The following GLRX5 variants were observed in gnomAD, a reference collection of about 807,000 sequenced individuals.
GLRX5 encodes the protein glutaredoxin 5, also known as glutaredoxin-related protein 5, mitochondrial.
A neutral mutation model predicts 13.8 loss-of-function variants in GLRX5; 10 were observed. The ratio of observed to expected loss-of-function variants is 0.72; its 90% CI spans 0.45 to 1.23. The LOEUF is 1.23. Ranked by LOEUF, GLRX5 falls within the 50% of genes most tolerant of loss-of-function variation. GLRX5 has a pLI of 0.00. For synonymous variants in GLRX5, 98 were observed against 101.1 expected (o/e 0.97, Z 0.18); for missense variants, 233 against 215.2 (o/e 1.08, Z -0.52).
In GLRX5 at chr14:95,544,118, C is replaced by G; in HGVS notation, c.467C>G (p.Ser156Cys). ...TTAGATGAAAAGAAAGACCAAGACT[C>G]CAAGTGAGGGCGGCCAAGTCCTCGC... is the stretch of plus-strand genomic sequence containing the variant. ...ALLDEKKDQD[S>C]K Residue 156 changes from serine to cysteine, a missense_variant, in exon 2 of 2, where the codon TCC (serine) becomes TGC (cysteine). By Grantham distance (112) the Ser-to-Cys change is moderately radical (BLOSUM62 -1). Transcript: ENST00000331334. The G allele has an allele frequency of 1.9e-6, 3 of 1,613,852 alleles. No homozygotes were observed. The highest frequency in any genetic ancestry group is 2.5e-6 in the Non-Finnish European group (3 of 1,179,836).
intron 1 of GLRX5, among the ~76,000 whole-genome samples, chr14:95,541,310 T>C (rs1441364623): frequency 1.3e-5 from 2 of 152,142 alleles, no homozygotes; most frequent in African/African-American, 2.4e-5. Context: ...TTATGAAGAG[T>C]AGTCTTTTAT....
At chr14:95,538,699 A>T (rs1480891091) in intron 1 of GLRX5, among the ~76,000 whole-genome samples, 1 of 152,210 alleles carries the variant, frequency 6.6e-6, no homozygotes, top group African/African-American at 2.4e-5. Context: ...AACTTACCCT[A>T]GTAAAGGGCC....
At chr14:95,542,921 C>A in intron 1 of GLRX5, 3 of 410,736 alleles carry the variant, frequency 7.3e-6, no homozygotes, top group South Asian at 5.2e-5. Flanking sequence ...TAAGAGTAAT[C>A]TTTTATGTCT....
At chr14:95,540,275 G>A (rs1891452332) in intron 1 of GLRX5, among the ~76,000 whole-genome samples, 1 of 152,126 alleles carries the variant, frequency 6.6e-6, no homozygotes, top group African/African-American at 2.4e-5. Context: ...GCCTTTCTCA[G>A]AAAAGCATTA....
chr14:95,535,187 G>A lies in GLRX5; in HGVS notation c.98G>A (p.Gly33Asp), dbSNP rs1194181940. ...GLWGPGVRAA[G>D]SGAGGGGSAE... ...TGGGGTCCGGGCGTGCGGGCGGCGG[G>A]CTCGGGCGCGGGCGGCGGCGGCTCG... The change falls in exon 1 of 2, where the codon GGC becomes GAC. Residue 33 changes from glycine (G) to aspartate (D), a missense_variant. Gly to Asp is a moderately conservative substitution (Grantham distance 94). Coordinates refer to ENST00000331334, the MANE Select transcript of GLRX5 (RefSeq NM_016417.3). 4.0e-6 allele frequency: 6 copies of A among 1,493,582 alleles called. No homozygotes were observed. In the South Asian group the frequency reaches 6.4e-5, roughly 16 times the overall value. 92.5% of individuals were successfully genotyped at this position (1,493,582 alleles called of 1,614,324 possible).
chr14:95,538,717 A>G (rs1891423109), intron 1 of GLRX5, among the ~76,000 whole-genome samples: 1 of 152,244 alleles, frequency 6.6e-6, no homozygotes, highest in Admixed American at 6.5e-5. Flanking sequence ...GCCAGAGACT[A>G]AGTACGTCAG....
Position 95,535,273 on chromosome 14 carries a change from C to T in GLRX5, c.184C>T (p.Pro62Ser), listed in dbSNP as rs1891343689. The T allele has an allele frequency of 6.4e-7, 1 of 1,570,312 alleles. No individual in the cohort carries two copies. Among genetic ancestry groups the T allele is most frequent in the Admixed American group, 1.9e-5 (1 of 52,142 alleles). The part of the protein sequence containing the change: ...DKVVVFLKGT[P>S]EQPQCGFSNA... ...GGTGGTGGTCTTCCTCAAGGGGACG[C>T]CGGAGCAGCCCCAGTGCGGCTTCAG... Residue 62 changes from proline (P) to serine (S), a missense_variant, in exon 1 of 2, where the codon CCG becomes TCG. Coordinates refer to ENST00000331334, the MANE Select transcript of GLRX5 (RefSeq NM_016417.3).
In GLRX5 at chr14:95,535,056, C is replaced by A. The variant is rs990819733; in HGVS notation, c.-34C>A. On this transcript the variant is annotated 5_prime_UTR_variant, in exon 1 of 2. Coordinates refer to ENST00000331334, the MANE Select transcript of GLRX5 (RefSeq NM_016417.3). ...GCGCTCTGGGTGGCCAGCTGTGGGC[C>A]CGGGCCGTCGTGGGCTCCGGCTTGC... 7.6e-7 allele frequency: 1 copy of A among 1,324,328 alleles called. No individual in the cohort carries two copies. Among genetic ancestry groups the A allele is most frequent in the Non-Finnish European group, 9.7e-7 (1 of 1,026,052 alleles). The allele number at this position is 1,324,328 out of a possible 1,614,324, so 82.0% of individuals were successfully genotyped here. A position where few individuals can be genotyped will look rare whatever the true frequency, so the allele number is the denominator to read the frequency against.
chr14:95,535,880 G>C (rs1026534046), intron 1 of GLRX5, among the ~76,000 whole-genome samples: 16 of 152,276 alleles, frequency 1.1e-4, no homozygotes, highest in African/African-American at 3.8e-4. Flanking sequence ...TTGCCCTTGA[G>C]GCTAGTGAGG....
At chr14:95,539,386 G>A (rs888783677) in intron 1 of GLRX5, among the ~76,000 whole-genome samples, 4 of 152,186 alleles carry the variant, frequency 2.6e-5, no homozygotes. Context: ...GTCACATGAT[G>A]GAAAGCTAAA....
At chr14:95,536,318 G>T (rs934714434) in intron 1 of GLRX5, among the ~76,000 whole-genome samples, 1 of 152,196 alleles carries the variant, frequency 6.6e-6, no homozygotes, top group Non-Finnish European at 1.5e-5. Context: ...GATGGTCAGG[G>T]TTGGTGGAAA....
intron 1 of GLRX5, among the ~76,000 whole-genome samples, chr14:95,537,513 C>G (rs902322124): frequency 2.0e-5 from 3 of 152,254 alleles, no homozygotes; most frequent in African/African-American, 7.2e-5. Context: ...GGTAAAAGCA[C>G]GTTCCCCAAA....
At chr14:95,535,847 C>T (rs750582442) in intron 1 of GLRX5, among the ~76,000 whole-genome samples, 27 of 152,010 alleles carry the variant, frequency 1.8e-4, no homozygotes, top group Non-Finnish European at 3.2e-4. Context: ...CTAGGGCTGT[C>T]GATGGTGGGG....
chr14:95,543,966 C>T lies in GLRX5; in HGVS notation c.315C>T (p.Asn105=), dbSNP rs1891515755. The T allele has an allele frequency of 6.2e-7, 1 of 1,613,802 alleles. No homozygotes were observed. Among genetic ancestry groups the T allele is most frequent in the African/African-American group, 1.3e-5 (1 of 75,060 alleles). The change falls in exon 2 of 2, where the codon AAC becomes AAT. Residue 105 remains asparagine (N), a synonymous_variant. Transcript: ENST00000331334. ...CCATAGGCATTAAAGACTATTCCAA[C>T]TGGCCCACCATCCCGCAAGTGTACC... ...ELRQGIKDYS[N]WPTIPQVYLN...
At chr14:95,538,336 G>A (rs1270124259) in intron 1 of GLRX5, among the ~76,000 whole-genome samples, 2 of 152,174 alleles carry the variant, frequency 1.3e-5, no homozygotes, top group Non-Finnish European at 2.9e-5. Flanking sequence ...GATCATCATT[G>A]TAGTCCTTGC....
At position 95,535,401 on chromosome 14, in the gene GLRX5, G is replaced by C; in HGVS notation, c.295+17G>C. 2.6e-6 allele frequency: 4 copies of C among 1,543,828 alleles called. No homozygotes were observed. Among genetic ancestry groups the C allele is most frequent in the Non-Finnish European group, 3.5e-6 (4 of 1,144,736 alleles). On this transcript the variant is annotated intron_variant, in intron 1 of 1. Transcript: ENST00000331334. The stretch of plus-strand genomic sequence containing the variant: ...TCCGACAAGGTCAGGCCAGTGTGCC[G>C]GGCAGGCGCCCTCCGCCCCGGGCCC...
chr14:95,540,216 G>T (rs1042695248), intron 1 of GLRX5, among the ~76,000 whole-genome samples: 2 of 152,130 alleles, frequency 1.3e-5, no homozygotes, highest in Admixed American at 1.3e-4. Flanking sequence ...TTACTTTAGG[G>T]TATACTTAAT....
At chr14:95,543,535 A>G in intron 1 of GLRX5, 1 of 312,588 alleles carries the variant, frequency 3.2e-6, no homozygotes, top group South Asian at 2.8e-5. Context: ...TTGAAGCTTG[A>G]CTGGTAGATG....
At chr14:95,541,810 T>C (rs1346074492) in intron 1 of GLRX5, among the ~76,000 whole-genome samples, 3 of 152,196 alleles carry the variant, frequency 2.0e-5, no homozygotes, top group African/African-American at 4.8e-5. Flanking sequence ...GGGTAAAACA[T>C]GTAGTTTTGG....
Sources: allele counts gnomAD v4.1 joint callset (sites outside exome capture counted in the v4.1 genomes callset), GRCh38; gene constraint gnomAD v4.1.1; transcripts MANE v1.5; gene names NCBI Gene and HGNC (gene_info 2026-07-23, HGNC 2026-07-21).